The following PERM1 variants were observed in gnomAD, a reference collection of about 807,000 sequenced individuals.
PERM1 encodes the protein PPARGC1 and ESRR induced regulator, muscle 1, also known as PGC-1 and ERR-induced regulator in muscle protein 1.
A neutral mutation model predicts 44.1 loss-of-function variants in PERM1; 45 were observed. The ratio of observed to expected loss-of-function variants is 1.02; its 90% CI spans 0.80 to 1.31. The LOEUF (loss-of-function observed/expected upper bound fraction) is 1.31. Among genes scored for constraint, PERM1 ranks in the 50% most tolerant of loss-of-function variants. The probability of loss-of-function intolerance (pLI) is 0.00; values close to 1 mark genes in which losing one functional copy is unlikely to be tolerated. For missense variants in PERM1, 1,189 were observed against 1,106.9 expected (o/e 1.07, Z -1.05); for synonymous variants, 565 against 477.1 (o/e 1.18, Z -2.40).
chr1:981,611 G>A (rs1425655901), upstream of PERM1, among the ~76,000 whole-genome samples: 3 of 152,198 alleles, frequency 2.0e-5, no homozygotes, highest in Non-Finnish European at 2.9e-5. Context: ...CCTTCCGATC[G>A]CCTTGGCTGG....
chr1:981,051 G>T, upstream of PERM1: 5 of 1,542,854 alleles, frequency 3.2e-6, no homozygotes, highest in Non-Finnish European at 2.6e-6. Context: ...AGAGGCACTG[G>T]AGGGTAGCAG....
upstream of PERM1, among the ~76,000 whole-genome samples, chr1:981,670 C>A (rs1445100120): frequency 6.6e-6 from 1 of 152,238 alleles, no homozygotes; most frequent in Non-Finnish European, 1.5e-5. Context: ...AGAGCTGGCC[C>A]AAGTCAGCAC....
Position 980,505 on chromosome 1 carries a change from G to A in PERM1, c.525C>T (p.Ala175=), listed in dbSNP as rs531476657. 2.0e-4 allele frequency: 295 copies of A among 1,488,994 alleles called. No homozygotes were observed. In the African/African-American group the frequency reaches 3.7e-3, roughly 19 times the overall value. The allele number at this position is 1,488,994 out of a possible 1,614,324, so 92.2% of individuals were successfully genotyped here. The change falls in exon 1 of 3, where the codon GCC becomes GCT. Residue 175 remains alanine, a synonymous_variant. Coordinates refer to ENST00000433179, the Ensembl canonical transcript of PERM1. ...TCTTTCGGCTGGGGCTCCGTGGTGG[G>A]GCTCCAGGGCTATCGGGGGGCCTCT...
exon 1 of PERM1, chr1:979,704 G>T (rs749972921): frequency 1.9e-6 from 3 of 1,550,302 alleles, no homozygotes; most frequent in Admixed American, 2.0e-5. Flanking sequence ...ACACAAGCCC[G>T]CTGGACTCGG....
Position 980,890 on chromosome 1 carries a change from TC to T in PERM1, c.139del (p.Asp47ThrfsTer18). 1 of 1,407,248 alleles carries T rather than the reference TC, an allele frequency of 7.1e-7. No homozygotes were observed. Among genetic ancestry groups the T allele is most frequent in the Non-Finnish European group, 9.2e-7 (1 of 1,088,832 alleles). 87.2% of individuals were successfully genotyped at this position (1,407,248 alleles called of 1,614,324 possible). A position where few individuals can be genotyped will look rare whatever the true frequency, so the allele number is the denominator to read the frequency against. ...CCTGGGGGGACTGCTGCCACTGCTGTCCCCTTGGTCAATGTCACTGGACAAG... is the reference window on the plus strand; with the variant it reads ...CCTGGGGGGACTGCTGCCACTGCTGTCCCTTGGTCAATGTCACTGGACAAG... On this transcript the variant is annotated frameshift_variant, in exon 1 of 3. Coordinates refer to ENST00000433179, the Ensembl canonical transcript of PERM1. LOFTEE classifies it high-confidence loss of function.
At chr1:976,139 T>C in exon 3 of PERM1, 1 of 1,542,606 alleles carries the variant, frequency 6.5e-7, no homozygotes, top group Admixed American at 2.0e-5. Flanking sequence ...GGTCGTCTCC[T>C]CATCCTGCAT....
chr1:981,680 C>G (rs6605058), upstream of PERM1, among the ~76,000 whole-genome samples: 140,320 of 152,346 alleles, frequency 0.92, 65,110 homozygotes, highest in East Asian at 1. Flanking sequence ...CAAGTCAGCA[C>G]GGAGAGCCTG....
chr1:976,314 G>C (rs1233596302), intron 2 of PERM1, 45 bp from the exon 4 acceptor site: 7 of 1,467,754 alleles, frequency 4.8e-6, no homozygotes, highest in South Asian at 1.4e-5. Context: ...CCTGGCTGTC[G>C]GCACCGTCTG....
chr1:979,673 C>T lies in PERM1; in HGVS notation c.1357G>A (p.Asp453Asn), dbSNP rs762911785. Residue 453 changes from aspartate (D) to asparagine (N), a missense_variant, in exon 1 of 3, where the codon GAC (aspartate) becomes AAC (asparagine). Asp to Asn is a conservative substitution (Grantham distance 23). Transcript: ENST00000433179. ...GGAGGCCAGGCGAGGCCAGCGGCGT[C>T]GGCTCTGGGAACAGGTGTAGACACA... 3.5e-5 allele frequency: 54 copies of T among 1,550,150 alleles called. No homozygotes were observed. In the Middle Eastern group the frequency reaches 5.0e-4, roughly 14 times the overall value.
At chr1:976,540 A>G (rs1263255625) in exon 2 of PERM1, 1 of 1,549,432 alleles carries the variant, frequency 6.5e-7, no homozygotes, top group South Asian at 1.2e-5. Flanking sequence ...TGACGTCCTC[A>G]CAGCCCAGGT....
At chr1:980,020 G>A (rs569036408) in exon 1 of PERM1, 36 of 1,549,372 alleles carry the variant, frequency 2.3e-5, no homozygotes, top group African/African-American at 1.1e-4. Flanking sequence ...GTCAGGTTGC[G>A]GCTCAGAGGC....
exon 1 of PERM1, chr1:980,766 A>G (rs767587528): frequency 1.7e-4 from 245 of 1,404,892 alleles, no homozygotes; most frequent in Non-Finnish European, 2.2e-4. Context: ...GCTCACCCTG[A>G]GACCTGCTGA....
At chr1:981,197 C>T (rs754705866), upstream of PERM1, 32 of 1,539,598 alleles carry the variant, frequency 2.1e-5, no homozygotes, top group East Asian at 4.9e-5. Flanking sequence ...AACAGCATCT[C>T]GAGGGGAGGG....
chr1:978,168 C>G (rs1449437001), intron 1 of PERM1, among the ~76,000 whole-genome samples: 7 of 137,764 alleles, frequency 5.1e-5, no homozygotes, highest in Non-Finnish European at 7.9e-5. Flanking sequence ...CCCCAGGAAC[C>G]GCCTGCCCCA....
At chr1:975,995 C>A (rs1643587236) in exon 3 of PERM1, 1 of 636,048 alleles carries the variant, frequency 1.6e-6, no homozygotes, top group Non-Finnish European at 2.6e-6. Context: ...GGGGAGTGGC[C>A]GTGGTCACTG....
chr1:976,443 A>C, intron 2 of PERM1, 56 bp downstream of exon 3: 1 of 1,548,394 alleles, frequency 6.5e-7, no homozygotes, highest in Non-Finnish European at 8.7e-7. Context: ...TCGTCCTGCC[A>C]GCGCCCCTCG....
exon 3 of PERM1, chr1:975,529 AC>A (rs1186416867): frequency 6.6e-6 from 1 of 152,356 alleles, no homozygotes; most frequent in Admixed American, 6.5e-5. Context: ...GGGCTGCTGC[AC>A]TGGGGAGGGG....
chr1:979,557 G>A lies in PERM1; in HGVS notation c.1473C>T (p.Pro491=), dbSNP rs764170424. 65 of 1,549,854 alleles carry A rather than the reference G, an allele frequency of 4.2e-5. 2 individuals are homozygous for A. The highest frequency in any genetic ancestry group is 3.5e-4 in the South Asian group (29 of 84,056). ...TGGGGACTTGGGTGAGACCCAGTGC[G>A]GGTGCCCCAGAGCAGCATCCGGGGG... is the stretch of plus-strand genomic sequence containing the variant. The change falls in exon 1 of 3, where the codon CCC becomes CCT. Residue 491 remains proline, a synonymous_variant. Coordinates refer to ENST00000433179, the Ensembl canonical transcript of PERM1.
exon 1 of PERM1, chr1:979,149 C>A: frequency 6.5e-7 from 1 of 1,550,080 alleles, no homozygotes; most frequent in Non-Finnish European, 8.7e-7. Flanking sequence ...GCCGCCTCGA[C>A]CTCTGGGCTC....
Sources: allele counts gnomAD v4.1 joint callset (sites outside exome capture counted in the v4.1 genomes callset), GRCh38; gene constraint gnomAD v4.1.1; transcripts MANE v1.5; gene names NCBI Gene and HGNC (gene_info 2026-07-23, HGNC 2026-07-21).